Variants in CYFIP2 observed in about 807,000 individuals in gnomAD.
CYFIP2 encodes cytoplasmic FMR1-interacting protein 2.
Under a neutral mutation model 158.7 loss-of-function variants are expected in CYFIP2, and 29 were observed. That is an observed-to-expected ratio of 0.18 (90% CI 0.14 to 0.25). The LOEUF (loss-of-function observed/expected upper bound fraction) is 0.25. CYFIP2 is among the 10% of genes least tolerant of loss of function. CYFIP2 has a pLI of 1.00. For synonymous variants in CYFIP2, 585 were observed against 617.6 expected (o/e 0.95, Z 0.78); for missense variants, 852 against 1,639.5 (o/e 0.52, Z 8.29).
At chr5:157,333,895 A>C (rs1761666970) in intron 21 of CYFIP2, among the ~76,000 whole-genome samples, 1 of 152,056 alleles carries the variant, frequency 6.6e-6, no homozygotes, top group Non-Finnish European at 1.5e-5. Context: ...TAAACATTGC[A>C]CCCTGCAGAT....
At chr5:157,280,449 C>G (rs1401326489) in intron 1 of CYFIP2, among the ~76,000 whole-genome samples, 1 of 150,732 alleles carries the variant, frequency 6.6e-6, no homozygotes, top group Non-Finnish European at 1.5e-5. Flanking sequence ...GTCTCGAACT[C>G]CTGACCTCAG....
chr5:157,299,630 G>A (rs1758573858), intron 5 of CYFIP2, among the ~76,000 whole-genome samples: 1 of 152,202 alleles, frequency 6.6e-6, no homozygotes, highest in Admixed American at 6.5e-5. Context: ...GCCAGGCGTG[G>A]TGGTTCATGC....
chr5:157,312,917 G>T (rs771440840), intron 11 of CYFIP2, among the ~76,000 whole-genome samples: 1 of 151,714 alleles, frequency 6.6e-6, no homozygotes, highest in Admixed American at 6.6e-5. Context: ...TCATTATGTT[G>T]CCCAGGCTGG....
intron 3 of CYFIP2, among the ~76,000 whole-genome samples, chr5:157,290,704 C>T (rs1161002040): frequency 6.6e-6 from 1 of 152,186 alleles, no homozygotes; most frequent in Non-Finnish European, 1.5e-5. Context: ...GCTGACATTC[C>T]TGGATAACAC....
intron 29 of CYFIP2, 90 bp from the exon 30 acceptor site, chr5:157,390,431 G>C (rs1055018127): frequency 7.8e-7 from 1 of 1,283,630 alleles, no homozygotes; most frequent in Non-Finnish European, 1.1e-6. Context: ...CTGCTTAGTA[G>C]CTGTACTCCT....
intron 23 of CYFIP2, among the ~76,000 whole-genome samples, chr5:157,349,261 T>C (rs1327837576): frequency 1.3e-5 from 2 of 152,222 alleles, no homozygotes; most frequent in African/African-American, 2.4e-5. Context: ...TGTAGTCTTT[T>C]ATCCCTCTCC....
At chr5:157,380,057 C>T (rs1021099240) in intron 26 of CYFIP2, 14 of 152,332 alleles carry the variant, frequency 9.2e-5, no homozygotes, top group African/African-American at 3.4e-4. Flanking sequence ...GTGAGTTTCT[C>T]TTGCTGTTTT....
intron 21 of CYFIP2, among the ~76,000 whole-genome samples, chr5:157,334,858 G>A (rs1457171542): frequency 2.0e-5 from 3 of 152,176 alleles, no homozygotes; most frequent in African/African-American, 4.8e-5. Context: ...GAAAACTGGT[G>A]AAACCTGAAT....
intron 22 of CYFIP2, 35 bp from the exon 23 acceptor site, chr5:157,341,035 A>T: frequency 6.3e-7 from 1 of 1,585,578 alleles, no homozygotes; most frequent in East Asian, 2.2e-5. Flanking sequence ...TATTAGGACC[A>T]TATTAACTCT....
chr5:157,388,543 T>C (rs1433912523), intron 28 of CYFIP2, among the ~76,000 whole-genome samples: 1 of 152,240 alleles, frequency 6.6e-6, no homozygotes, highest in Non-Finnish European at 1.5e-5. Context: ...TTCTAAAATA[T>C]GCTTTACACA....
rs1228955472 is a variant in CYFIP2, at chr5:157,393,206, T to TG, written c.*207dup. The TG allele has an allele frequency of 1.7e-4, 53 of 304,772 alleles. No homozygotes were observed. The African/African-American group carries it at 2.2e-3, about 13-fold the overall frequency. The allele number at this position is 304,772 out of a possible 1,614,324, so 18.9% of individuals were successfully genotyped here. On this transcript the variant is annotated 3_prime_UTR_variant, in exon 31 of 31. Coordinates refer to ENST00000620254, the MANE Select transcript of CYFIP2 (RefSeq NM_001037333.3). Reference sequence around the variant, plus strand: ...CATGCTGGTTTCTCCATAGCATAAATGAAAAAAAAAAAAAAAAAGTAAACA... The same window carrying TG: ...CATGCTGGTTTCTCCATAGCATAAATGGAAAAAAAAAAAAAAAAAGTAAACA...
At chr5:157,373,388 C>A (rs1233804330) in intron 26 of CYFIP2, among the ~76,000 whole-genome samples, 3 of 152,236 alleles carry the variant, frequency 2.0e-5, no homozygotes, top group East Asian at 1.9e-4. Flanking sequence ...CCCCTTCAGC[C>A]CCCCAGAAAG....
rs773751744 is a variant in CYFIP2 at position 157,299,699 on chromosome 5, G to A, written c.388-1016G>A. On this transcript the variant is annotated intron_variant, in intron 5 of 30. Coordinates refer to ENST00000620254, the MANE Select transcript of CYFIP2 (RefSeq NM_001037333.3). ...GCAGATCACTTGAGGTCAGGAGTTC[G>A]AGACCAGCCTGGCCAACATGGTGAA... Among the ~76,000 whole-genome samples the A allele has an allele frequency of 9.2e-5, 14 of 152,202 alleles. 1 individual carries two copies. The highest frequency in any genetic ancestry group is 1.9e-4 in the East Asian group (1 of 5,162).
chr5:157,270,160 C>T (rs1169734766), intron 1 of CYFIP2, among the ~76,000 whole-genome samples: 1 of 152,124 alleles, frequency 6.6e-6, no homozygotes, highest in East Asian at 1.9e-4. Context: ...TGAGAAAGAC[C>T]CAGTGATGAC....
chr5:157,369,556 T>C (rs950409228), intron 26 of CYFIP2, among the ~76,000 whole-genome samples: 8 of 152,178 alleles, frequency 5.3e-5, no homozygotes, highest in Non-Finnish European at 1.2e-4. Flanking sequence ...ACAGAGGCAA[T>C]CCATCACCTT....
At chr5:157,282,447 A>G (rs181938624) in intron 1 of CYFIP2, among the ~76,000 whole-genome samples, 2 of 152,238 alleles carry the variant, frequency 1.3e-5, no homozygotes, top group African/African-American at 4.8e-5. Flanking sequence ...CCCACCTCCA[A>G]CACTGGGGAT....
At chr5:157,362,073 G>T (rs1458390696) in intron 26 of CYFIP2, among the ~76,000 whole-genome samples, 4 of 152,196 alleles carry the variant, frequency 2.6e-5, no homozygotes, top group Non-Finnish European at 4.4e-5. Flanking sequence ...TAGCCCAAAG[G>T]GGCAGGCTAT....
At chr5:157,339,330 C>T in intron 22 of CYFIP2, 74 bp downstream of exon 22, 1 of 1,364,030 alleles carries the variant, frequency 7.3e-7, no homozygotes, top group Non-Finnish European at 1.0e-6. Flanking sequence ...CAAACTAGGC[C>T]CAGTACATGT....
In CYFIP2 at chr5:157,393,718, A is replaced by C. The variant is rs1165725866; in HGVS notation, c.*718A>C. ...ACACAGCCAGAAATGTCATAGTCCAAACAGGATGCTTTCAGGCCATCTCAG... is the reference window on the plus strand; with the variant it reads ...ACACAGCCAGAAATGTCATAGTCCACACAGGATGCTTTCAGGCCATCTCAG... On this transcript the variant is annotated 3_prime_UTR_variant, in exon 31 of 31. Transcript: ENST00000620254. The C allele has an allele frequency of 1.3e-5, 2 of 152,238 alleles. No individual in the cohort carries two copies. Among genetic ancestry groups the C allele is most frequent in the Non-Finnish European group, 2.9e-5 (2 of 68,084 alleles). The allele number at this position is 152,238 out of a possible 1,614,324, so 9.4% of individuals were successfully genotyped here. A position where few individuals can be genotyped will look rare whatever the true frequency, so the allele number is the denominator to read the frequency against.
Sources: gnomAD v4.1 joint callset for allele counts (sites outside exome capture counted in the v4.1 genomes callset) on GRCh38, gnomAD v4.1.1 for gene constraint, MANE v1.5 for transcripts, NCBI Gene and HGNC (gene_info 2026-07-23, HGNC 2026-07-21) for gene names.